The following DYNC1H1 variants were observed in gnomAD, a reference collection of about 807,000 sequenced individuals.
DYNC1H1 encodes dynein cytoplasmic 1 heavy chain 1.
Under a neutral mutation model 527.1 loss-of-function variants are expected in DYNC1H1, and 51 were observed. The ratio of observed to expected loss-of-function variants is 0.10; its 90% CI spans 0.08 to 0.12. The LOEUF is 0.12. Ranked by LOEUF, DYNC1H1 falls within the 10% of genes least tolerant of loss-of-function variation. The pLI is 1.00. For synonymous variants in DYNC1H1, 2,189 were observed against 2,278.8 expected (o/e 0.96, Z 1.12); for missense variants, 2,771 against 5,971.8 (o/e 0.46, Z 17.66).
chr14:101,984,164 G>A (rs556689610), intron 7 of DYNC1H1, among the ~76,000 whole-genome samples: 5 of 151,056 alleles, frequency 3.3e-5, no homozygotes, highest in African/African-American at 4.9e-5. Context: ...GTTGGCGGGA[G>A]GGGGCTGTAG....
intron 1 of DYNC1H1, among the ~76,000 whole-genome samples, chr14:101,969,920 A>T (rs544824227): frequency 6.6e-6 from 1 of 152,316 alleles, no homozygotes; most frequent in South Asian, 2.1e-4. Context: ...ATCTTTCATG[A>T]ATGAGGAAAC....
rs1378136033 is a variant in DYNC1H1 at position 101,964,658 on chromosome 14, C to T, written c.-34C>T. 1.3e-6 allele frequency: 2 copies of T among 1,565,422 alleles called. No homozygotes were observed. The highest frequency in any genetic ancestry group is 1.8e-5 in the Admixed American group (1 of 56,266). ...TGTCTCGCTGAGTCGCGGCCGCCTT[C>T]TCATCGCTCCTGGAAGGTCCCGAGC... is the stretch of plus-strand genomic sequence containing the variant. On this transcript the variant is annotated 5_prime_UTR_variant, in exon 1 of 78. Coordinates refer to ENST00000360184, the MANE Select transcript of DYNC1H1 (RefSeq NM_001376.5). The surrounding 1 kb of genome is among the most constrained non-coding windows in gnomAD (Gnocchi z 5.5).
rs1220404607 is a variant in DYNC1H1, at chr14:102,041,171, A to G, written c.11942-403A>G. Reference sequence around the variant, plus strand: ...TTAACTGGCTGTATTCATGCTGCAGACAGGAATGGAATGCCATCAGCCGTT... The same window carrying G: ...TTAACTGGCTGTATTCATGCTGCAGGCAGGAATGGAATGCCATCAGCCGTT... On this transcript the variant is annotated intron_variant, in intron 64 of 77. Coordinates refer to ENST00000360184, the MANE Select transcript of DYNC1H1 (RefSeq NM_001376.5). This position sits in a 1 kb window ranked among gnomAD's most constrained non-coding sequence, Gnocchi z 4.5. The G allele has an allele frequency of 2.8e-6, 1 of 352,558 alleles. No homozygotes were observed. Among genetic ancestry groups the G allele is most frequent in the East Asian group, 7.4e-5 (1 of 13,468 alleles). 21.8% of individuals were successfully genotyped at this position (352,558 alleles called of 1,614,324 possible). A position where few individuals can be genotyped will look rare whatever the true frequency, so the allele number is the denominator to read the frequency against.
In DYNC1H1 at chr14:102,002,531, C is replaced by T; in HGVS notation, c.4543-6C>T. 1 of 1,614,008 alleles carries T rather than the reference C, an allele frequency of 6.2e-7. No individual in the cohort carries two copies. The highest frequency in any genetic ancestry group is 8.5e-7 in the Non-Finnish European group (1 of 1,179,922). ...AGTTTACCTCTCCCTCCTGTCTGCC[C>T]ACCAGGTTTTTGAAGAGGATGCTCT... is the stretch of plus-strand genomic sequence containing the variant. On this transcript the variant is annotated splice_region_variant and splice_polypyrimidine_tract_variant and intron_variant, in intron 21 of 77. Transcript: ENST00000360184. This position sits in a 1 kb window ranked among gnomAD's most constrained non-coding sequence, Gnocchi z 4.4.
intron 16 of DYNC1H1, among the ~76,000 whole-genome samples, chr14:101,998,465 T>C (rs1172481664): frequency 6.6e-6 from 1 of 152,260 alleles, no homozygotes; most frequent in Non-Finnish European, 1.5e-5. Context: ...TTGTTTTCTT[T>C]TTAATTTTCA....
chr14:101,969,850 G>A (rs1431259796), intron 1 of DYNC1H1, among the ~76,000 whole-genome samples: 1 of 152,228 alleles, frequency 6.6e-6, no homozygotes, highest in African/African-American at 2.4e-5. Context: ...GATGAAAATT[G>A]CGTGTCAGCA....
At chr14:101,996,990 A>G (rs1457323254) in intron 15 of DYNC1H1, 45 bp from the exon 16 acceptor site, 5 of 1,582,974 alleles carry the variant, frequency 3.2e-6, no homozygotes, top group African/African-American at 2.7e-5. Flanking sequence ...AATTTCTATC[A>G]TTGTTATAGA....
In DYNC1H1 at chr14:101,986,519, T is replaced by C. The variant is rs1001125376; in HGVS notation, c.2294T>C (p.Val765Ala). Residue 765 changes from valine (V) to alanine (A), a missense_variant, in exon 8 of 78, where the codon GTG (valine) becomes GCG (alanine). Transcript: ENST00000360184. This position sits in a 1 kb window ranked among gnomAD's most constrained non-coding sequence, Gnocchi z 8.7. ...GGTTTCCGCGTCCCACTGGCGATTGTGAACAAAGCCCATCAAGCAAACCAG... is the reference window on the plus strand; with the variant it reads ...GGTTTCCGCGTCCCACTGGCGATTGCGAACAAAGCCCATCAAGCAAACCAG... ...WLGFRVPLAI[V>A]NKAHQANQLY... 2 of 1,614,040 alleles carry C rather than the reference T, an allele frequency of 1.2e-6. No homozygotes were observed. Among genetic ancestry groups the C allele is most frequent in the Non-Finnish European group, 1.7e-6 (2 of 1,180,034 alleles).
chr14:102,000,490 TTG>T, intron 18 of DYNC1H1, 91 bp downstream of exon 18: 1 of 1,187,056 alleles, frequency 8.4e-7, no homozygotes, highest in Non-Finnish European at 1.2e-6. Flanking sequence ...TGTATTTGTA[TTG>T]TGAGTTCATA....
rs189282285 is a variant in DYNC1H1, at chr14:102,056,293, C to G, written c.*5730C>G. 1 of 152,338 alleles carries G rather than the reference C, an allele frequency of 6.6e-6. No homozygotes were observed. The highest frequency in any genetic ancestry group is 2.4e-5 in the African/African-American group (1 of 41,578). 9.4% of individuals were successfully genotyped at this position (152,338 alleles called of 1,614,324 possible). A position where few individuals can be genotyped will look rare whatever the true frequency, so the allele number is the denominator to read the frequency against. The stretch of plus-strand genomic sequence containing the variant: ...GCATGAAACCCCTGTCACGTATCCC[C>G]CAGACTGCTCAATCAATCACGACCC... On this transcript the variant is annotated 3_prime_UTR_variant, in exon 78 of 78. Transcript: ENST00000360184.
In DYNC1H1 at chr14:102,011,177, T is replaced by A. The variant is rs2048254795; in HGVS notation, c.6618+225T>A. The A allele has an allele frequency of 5.1e-6, 3 of 587,738 alleles. No homozygotes were observed. The highest frequency in any genetic ancestry group is 6.1e-6 in the Non-Finnish European group (2 of 328,418). 36.4% of individuals were successfully genotyped at this position (587,738 alleles called of 1,614,324 possible). ...GAAAATTTTACATGATACAGTTCAA[T>A]TTCTGAAAATGCTAAGTGCATGACT... On this transcript the variant is annotated intron_variant, in intron 32 of 77. Coordinates refer to ENST00000360184, the MANE Select transcript of DYNC1H1 (RefSeq NM_001376.5). The surrounding 1 kb of genome is among the most constrained non-coding windows in gnomAD (Gnocchi z 5.3).
At chr14:101,973,619 A>C (rs765968845) in intron 1 of DYNC1H1, among the ~76,000 whole-genome samples, 1 of 152,146 alleles carries the variant, frequency 6.6e-6, no homozygotes, top group African/African-American at 2.4e-5. Flanking sequence ...CCTGAGCAAC[A>C]TAGAGAGACC....
rs1244409249 is a variant in DYNC1H1, at chr14:102,039,149, G to A, written c.11355G>A (p.Glu3785=). 4 of 1,614,070 alleles carry A rather than the reference G, an allele frequency of 2.5e-6. No individual in the cohort carries two copies. Among genetic ancestry groups the A allele is most frequent in the Non-Finnish European group, 3.4e-6 (4 of 1,180,046 alleles). The change falls in exon 60 of 78, where the codon GAG becomes GAA. Residue 3785 remains glutamate (E), a synonymous_variant. Transcript: ENST00000360184. This position sits in a 1 kb window ranked among gnomAD's most constrained non-coding sequence, Gnocchi z 7.0. ...CTGCAGAGGTCACCAGGAAAGTTGAGGAGACGGACATTGTCATGCAGGAGG... is the reference window on the plus strand; with the variant it reads ...CTGCAGAGGTCACCAGGAAAGTTGAAGAGACGGACATTGTCATGCAGGAGG... ...REAAEVTRKV[E]ETDIVMQEVE... is the part of the protein sequence containing the mutation.
chr14:101,976,562 G>A (rs926673591), intron 2 of DYNC1H1, among the ~76,000 whole-genome samples: 2 of 151,134 alleles, frequency 1.3e-5, no homozygotes, highest in African/African-American at 4.9e-5. Context: ...AAAAAAAAAA[G>A]GAAAAGAAAA....
rs17541609 is a variant in DYNC1H1, at chr14:102,044,817, C to T, written c.13006+119C>T. The T allele has an allele frequency of 3.1e-3, 3,590 of 1,174,162 alleles. 88 individuals carry two copies. In the African/African-American group the frequency reaches 0.049, roughly 16 times the overall value. The allele number at this position is 1,174,162 out of a possible 1,614,324, so 72.7% of individuals were successfully genotyped here. ...GTGCACTGCTGTCCCAGGGCCCTCC[C>T]TGGTTATGCTGGGTGTGGCTCTGTC... is the stretch of plus-strand genomic sequence containing the variant. On this transcript the variant is annotated intron_variant, in intron 72 of 77. Transcript: ENST00000360184. The surrounding 1 kb of genome is among the most constrained non-coding windows in gnomAD (Gnocchi z 7.1).
intron 16 of DYNC1H1, among the ~76,000 whole-genome samples, chr14:101,998,521 A>T (rs979288549): frequency 1.3e-5 from 2 of 152,230 alleles, no homozygotes; most frequent in Admixed American, 1.3e-4. Flanking sequence ...AGACAAATGG[A>T]AAAGATGTGA....
In DYNC1H1 at chr14:102,020,196, C is replaced by A; in HGVS notation, c.8507+140C>A. Reference sequence around the variant, plus strand: ...CAGTGGTGGAAGGAGCAGAGTCAGCCAGGGCAGCCTCCCGTCTGGACACTG... The same window carrying A: ...CAGTGGTGGAAGGAGCAGAGTCAGCAAGGGCAGCCTCCCGTCTGGACACTG... On this transcript the variant is annotated intron_variant, in intron 42 of 77. Transcript: ENST00000360184. The surrounding 1 kb of genome is among the most constrained non-coding windows in gnomAD (Gnocchi z 4.3). The A allele has an allele frequency of 8.4e-7, 1 of 1,196,422 alleles. No individual in the cohort carries two copies. Among genetic ancestry groups the A allele is most frequent in the Non-Finnish European group, 1.2e-6 (1 of 837,508 alleles). The allele number at this position is 1,196,422 out of a possible 1,614,324, so 74.1% of individuals were successfully genotyped here.
At chr14:101,988,519 AG>A (rs1278967232) in intron 9 of DYNC1H1, among the ~76,000 whole-genome samples, 183 bp from the exon 10 acceptor site, 1 of 152,236 alleles carries the variant, frequency 6.6e-6, no homozygotes, top group African/African-American at 2.4e-5. Context: ...TGGAGAAGAC[AG>A]CCTAACAAGT....
At position 102,022,826 on chromosome 14, in the gene DYNC1H1, C is replaced by T. The variant is rs747715540; in HGVS notation, c.8583C>T (p.Ile2861=). 3.0e-5 allele frequency: 48 copies of T among 1,614,168 alleles called. No homozygotes were observed. The highest frequency in any genetic ancestry group is 3.8e-5 in the Non-Finnish European group (45 of 1,180,042). Residue 2861 remains isoleucine, a synonymous_variant, in exon 43 of 78, where the codon ATC becomes ATT. Coordinates refer to ENST00000360184, the MANE Select transcript of DYNC1H1 (RefSeq NM_001376.5). Reference sequence around the variant, plus strand: ...TTGCTCTGAAGCACTTCCCTAACATCGACAGAGAGAAGGCAATGAGCCGAC... The same window carrying T: ...TTGCTCTGAAGCACTTCCCTAACATTGACAGAGAGAAGGCAATGAGCCGAC... ...DTVALKHFPN[I]DREKAMSRPI... is the part of the protein sequence containing the mutation.
Sources: gnomAD v4.1 joint callset for allele counts (sites outside exome capture counted in the v4.1 genomes callset) on GRCh38, gnomAD v4.1.1 for gene constraint, Gnocchi (gnomAD v3.1) non-coding constraint, MANE v1.5 for transcripts, NCBI Gene and HGNC (gene_info 2026-07-23, HGNC 2026-07-21) for gene names.